Variants in CARMIL1 observed in about 807,000 individuals in gnomAD.
CARMIL1 encodes the protein F-actin-uncapping protein LRRC16A.
Under a neutral mutation model 177.1 loss-of-function variants are expected in CARMIL1, and 90 were observed. The observed-to-expected ratio is 0.51, with a 90% confidence interval of 0.43 to 0.61. The LOEUF (loss-of-function observed/expected upper bound fraction) is 0.61. Among genes scored for constraint, CARMIL1 ranks in the 20% least tolerant of loss-of-function variants. The pLI, the probability that CARMIL1 is intolerant of heterozygous loss-of-function variation, is 0.00. For missense variants in CARMIL1, 1,380 were observed against 1,667.0 expected (o/e 0.83, Z 3.00); for synonymous variants, 577 against 606.2 (o/e 0.95, Z 0.71).
At chr6:25,434,078 G>A (rs568537854) in intron 4 of CARMIL1, among the ~76,000 whole-genome samples, 1 of 152,218 alleles carries the variant, frequency 6.6e-6, no homozygotes, top group African/African-American at 2.4e-5. Context: ...AATTTTTTGG[G>A]GGGTAGGAAG....
intron 9 of CARMIL1, among the ~76,000 whole-genome samples, chr6:25,466,480 ATATTT>A (rs1318461288): frequency 6.6e-6 from 1 of 152,206 alleles, no homozygotes; most frequent in Non-Finnish European, 1.5e-5. Flanking sequence ...AATATTTGGT[ATATTT>A]TATTAGTGGA....
chr6:25,347,506 T>A (rs1403309931), intron 2 of CARMIL1, among the ~76,000 whole-genome samples: 1 of 152,232 alleles, frequency 6.6e-6, no homozygotes, highest in Non-Finnish European at 1.5e-5. Context: ...CAATTCATAT[T>A]TCTGCTTCCT....
chr6:25,486,100 G>A (rs926332686), intron 12 of CARMIL1, among the ~76,000 whole-genome samples: 2 of 152,124 alleles, frequency 1.3e-5, no homozygotes, highest in African/African-American at 4.8e-5. Flanking sequence ...TTTTCCAGCT[G>A]TAAACACTGC....
At chr6:25,604,919 C>A (rs1425939543) in intron 34 of CARMIL1, 26 bp downstream of exon 34, 1 of 1,554,234 alleles carries the variant, frequency 6.4e-7, no homozygotes, top group South Asian at 1.2e-5. Flanking sequence ...GCCATCACCC[C>A]CTTAGGAAAA....
chr6:25,563,605 C>T, intron 29 of CARMIL1: 2 of 985,276 alleles, frequency 2.0e-6, no homozygotes, highest in Admixed American at 6.1e-5. Context: ...ATCAGAAGAT[C>T]CCTTAAGCCA....
intron 16 of CARMIL1, among the ~76,000 whole-genome samples, chr6:25,497,183 A>G (rs1258363197): frequency 6.6e-6 from 1 of 152,186 alleles, no homozygotes; most frequent in Non-Finnish European, 1.5e-5. Context: ...ATAACACAAA[A>G]CTGAAGTTCT....
At chr6:25,603,596 T>C (rs1302076822) in intron 33 of CARMIL1, among the ~76,000 whole-genome samples, 2 of 152,142 alleles carry the variant, frequency 1.3e-5, no homozygotes, top group African/African-American at 2.4e-5. Context: ...CAGAGCTTTT[T>C]AGGTTTGTCA....
At chr6:25,494,030 TA>T (rs1169441506) in intron 15 of CARMIL1, among the ~76,000 whole-genome samples, 4 of 150,274 alleles carry the variant, frequency 2.7e-5, no homozygotes, top group Admixed American at 6.6e-5. Flanking sequence ...TTTAAAACTT[TA>T]AAAAAAAACC....
At chr6:25,310,977 T>C (rs2150205006) in intron 2 of CARMIL1, among the ~76,000 whole-genome samples, 1 of 151,678 alleles carries the variant, frequency 6.6e-6, no homozygotes. Flanking sequence ...GGTCAGGAGG[T>C]TGAGACCAGC....
chr6:25,519,878 A>G (rs190462676), intron 22 of CARMIL1, among the ~76,000 whole-genome samples: 1 of 152,218 alleles, frequency 6.6e-6, no homozygotes, highest in Non-Finnish European at 1.5e-5. Flanking sequence ...TCTATTGGTT[A>G]CTAAAACCCA....
At position 25,509,646 on chromosome 6, in the gene CARMIL1, G is replaced by A; in HGVS notation, c.1396-10G>A. The stretch of plus-strand genomic sequence containing the variant: ...AGACTTTACTTTGTGTTTGGTTTGT[G>A]TTTCTCTAGCTGAGATCAGGAGGTG... On this transcript the variant is annotated splice_polypyrimidine_tract_variant and intron_variant, in intron 17 of 36. Coordinates refer to ENST00000329474, the MANE Select transcript of CARMIL1 (RefSeq NM_017640.6). The surrounding 1 kb of genome is among the most constrained non-coding windows in gnomAD (Gnocchi z 4.1). 6.3e-7 allele frequency: 1 copy of A among 1,587,394 alleles called. No homozygotes were observed. Among genetic ancestry groups the A allele is most frequent in the Non-Finnish European group, 8.6e-7 (1 of 1,162,976 alleles).
chr6:25,406,892 G>A (rs1344571844), intron 2 of CARMIL1, among the ~76,000 whole-genome samples: 1 of 152,160 alleles, frequency 6.6e-6, no homozygotes, highest in African/African-American at 2.4e-5. Context: ...AGTCATCTGG[G>A]ATGGACTGAA....
intron 29 of CARMIL1, among the ~76,000 whole-genome samples, chr6:25,578,266 G>A (rs563025696): frequency 3.9e-5 from 6 of 152,078 alleles, no homozygotes; most frequent in African/African-American, 9.7e-5. Context: ...TTTCATTTTG[G>A]TACAAAAAGA....
chr6:25,292,650 C>T (rs866256449), intron 2 of CARMIL1, among the ~76,000 whole-genome samples: 11 of 152,284 alleles, frequency 7.2e-5, no homozygotes, highest in African/African-American at 1.7e-4. Context: ...TTAGGATAGG[C>T]GAGTCAAATG....
At chr6:25,408,112 T>C (rs7759894) in intron 2 of CARMIL1, among the ~76,000 whole-genome samples, 2,766 of 151,868 alleles carry the variant, frequency 0.018, 78 homozygotes, top group African/African-American at 0.06. Context: ...CTGGGCAACA[T>C]AGACGTCATC....
chr6:25,427,425 T>C (rs1796367686), intron 4 of CARMIL1, among the ~76,000 whole-genome samples: 1 of 152,208 alleles, frequency 6.6e-6, no homozygotes, highest in Non-Finnish European at 1.5e-5. Flanking sequence ...TTTAATTGTG[T>C]GGCTATATTA....
At chr6:25,494,637 G>A (rs1388577387) in intron 15 of CARMIL1, among the ~76,000 whole-genome samples, 1 of 152,186 alleles carries the variant, frequency 6.6e-6, no homozygotes, top group Non-Finnish European at 1.5e-5. Flanking sequence ...CAGGCTTCGT[G>A]CCATTTGGAC....
At chr6:25,393,574 A>T (rs550761287) in intron 2 of CARMIL1, 2 of 149,100 alleles carry the variant, frequency 1.3e-5, no homozygotes, top group Non-Finnish European at 3.0e-5. Flanking sequence ...AAAAAAAAAA[A>T]TCATGGTTAA....
chr6:25,581,159 T>C, intron 30 of CARMIL1, 84 bp from the exon 31 acceptor site: 1 of 1,398,164 alleles, frequency 7.2e-7, no homozygotes, highest in Non-Finnish European at 9.8e-7. Flanking sequence ...AGACTTAAAA[T>C]TACTTTTAGG....
Sources: gnomAD v4.1 joint callset for allele counts (sites outside exome capture counted in the v4.1 genomes callset) on GRCh38, gnomAD v4.1.1 for gene constraint, Gnocchi (gnomAD v3.1) non-coding constraint, MANE v1.5 for transcripts, NCBI Gene and HGNC (gene_info 2026-07-23, HGNC 2026-07-21) for gene names.